CYP1A1: variants seen among roughly 807,000 people sequenced by gnomAD.
The protein encoded by CYP1A1 is cytochrome P450 family 1 subfamily A member 1.
A neutral mutation model predicts 33.6 loss-of-function variants in CYP1A1; 43 were observed. The observed-to-expected ratio is 1.28, with a 90% CI of 1.00 to 1.65. CYP1A1 has a LOEUF of 1.65. Among genes scored for constraint, CYP1A1 ranks in the 40% most tolerant of loss-of-function variants. CYP1A1 has a pLI of 0.00. For synonymous variants in CYP1A1, 280 were observed against 257.8 expected (o/e 1.09, Z -0.83); for missense variants, 637 against 653.7 (o/e 0.97, Z 0.28).
chr15:74,724,110 T>C (rs1478542614), intron 1 of CYP1A1, among the ~76,000 whole-genome samples: 1 of 152,162 alleles, frequency 6.6e-6, no homozygotes, highest in Non-Finnish European at 1.5e-5. Flanking sequence ...GCCAGGGTTT[T>C]TTTTTGGCTC....
In CYP1A1 at chr15:74,720,498, C is replaced by A. The variant is rs578153711; in HGVS notation, c.1530G>T (p.Leu510=). The A allele has an allele frequency of 2.6e-6, 4 of 1,568,180 alleles. No individual in the cohort carries two copies. In the African/African-American group the frequency reaches 4.0e-5, roughly 16 times the overall value. The change falls in exon 7 of 7, where the codon CTG becomes CTT. Residue 510 remains leucine, a synonymous_variant. Transcript: ENST00000379727. ...HACCEHFQMQ[L]RS The stretch of plus-strand genomic sequence containing the variant: ...CAGGGCTCTCAAGCACCTAAGAGCG[C>A]AGCTGCATTTGGAAGTGCTCACAGC...
chr15:74,720,708 G>T lies in CYP1A1; in HGVS notation c.1320C>A (p.Asp440Glu). Residue 440 changes from aspartate (D) to glutamate (E), a missense_variant, in exon 7 of 7, where the codon GAC becomes GAA. Asp to Glu is a conservative substitution (Grantham distance 45). Transcript: ENST00000379727. ...ERFLTPDGAIDKVLSEKVIIF... is the reference protein window; with the variant it reads ...ERFLTPDGAIEKVLSEKVIIF... The stretch of plus-strand genomic sequence containing the variant: ...TAATCACCTTCTCACTTAACACCTT[G>T]TCGATAGCACCATCAGGGGTGAGAA... The T allele has an allele frequency of 6.2e-7, 1 of 1,614,148 alleles. No homozygotes were observed. Among genetic ancestry groups the T allele is most frequent in the Non-Finnish European group, 8.5e-7 (1 of 1,180,024 alleles).
At position 74,721,022 on chromosome 15, in the gene CYP1A1, A is replaced by G. The variant is rs1008131147; in HGVS notation, c.1198T>C (p.Tyr400His). The change falls in exon 6 of 7, where the codon TAC becomes CAC. Residue 400 changes from tyrosine (Y) to histidine (H), a missense_variant. Transcript: ENST00000379727. ...AAGACACAACGCCCCTTGGGGATGT[A>G]AAAGCCTTTCAAACTTGTGTCTCTT... is the stretch of plus-strand genomic sequence containing the variant. The part of the protein sequence containing the change: ...TTRDTSLKGF[Y>H]IPKGRCVFVN... 98 of 1,614,074 alleles carry G rather than the reference A, an allele frequency of 6.1e-5. No individual in the cohort carries two copies. Among genetic ancestry groups the G allele is most frequent in the Non-Finnish European group, 7.8e-5 (92 of 1,180,022 alleles).
rs1283562508 is a variant in CYP1A1, at chr15:74,719,618, T to C, written c.*871A>G. ...TTTTTGGATACCTGGGTTAGAATTT[T>C]CCCTATTACATTAAATCAATGGTTC... On this transcript the variant is annotated 3_prime_UTR_variant, in exon 7 of 7. Transcript: ENST00000379727. 1 of 151,628 alleles carries C rather than the reference T, an allele frequency of 6.6e-6. No homozygotes were observed. Among genetic ancestry groups the C allele is most frequent in the Non-Finnish European group, 1.5e-5 (1 of 68,034 alleles). 9.4% of individuals were successfully genotyped at this position (151,628 alleles called of 1,614,324 possible).
Position 74,722,758 on chromosome 15 carries a change from G to C in CYP1A1, c.340C>G (p.Leu114Val). Residue 114 changes from leucine (L) to valine (V), a missense_variant, in exon 2 of 7, where the codon CTC becomes GTC. Coordinates refer to ENST00000379727, the MANE Select transcript of CYP1A1 (RefSeq NM_001319217.2). Reference sequence around the variant, plus strand: ...GACATGCTCTGACCATTACTGATGAGGGTGAAGGTGTAGAGGTCGGGCCGG... The same window carrying C: ...GACATGCTCTGACCATTACTGATGACGGTGAAGGTGTAGAGGTCGGGCCGG... ...KGRPDLYTFTLISNGQSMSFS... is the reference protein window; with the variant it reads ...KGRPDLYTFTVISNGQSMSFS... 6.2e-7 allele frequency: 1 copy of C among 1,613,698 alleles called. No individual in the cohort carries two copies. Among genetic ancestry groups the C allele is most frequent in the Non-Finnish European group, 8.5e-7 (1 of 1,180,022 alleles).
chr15:74,721,819 G>A, intron 2 of CYP1A1, 102 bp from the exon 3 acceptor site: 1 of 1,461,358 alleles, frequency 6.8e-7, no homozygotes, highest in East Asian at 2.3e-5. Context: ...TGTTCTGGAG[G>A]TGATGCCCCC....
Position 74,722,733 on chromosome 15 carries a change from G to A in CYP1A1, c.365C>T (p.Ser122Phe). Reference sequence around the variant, plus strand: ...CACTGGTCCAGAGTCTGGGCTGAAGGACATGCTCTGACCATTACTGATGAG... The same window carrying A: ...CACTGGTCCAGAGTCTGGGCTGAAGAACATGCTCTGACCATTACTGATGAG... ...FTLISNGQSM[S>F]FSPDSGPVWA... The change falls in exon 2 of 7, where the codon TCC becomes TTC. Residue 122 changes from serine to phenylalanine, a missense_variant. Coordinates refer to ENST00000379727, the MANE Select transcript of CYP1A1 (RefSeq NM_001319217.2). 6.2e-7 allele frequency: 1 copy of A among 1,613,492 alleles called. No homozygotes were observed. Among genetic ancestry groups the A allele is most frequent in the South Asian group, 1.1e-5 (1 of 91,082 alleles).
At chr15:74,723,287 G>A (rs2063189291) in intron 1 of CYP1A1, among the ~76,000 whole-genome samples, 161 bp from the exon 2 acceptor site, 1 of 152,148 alleles carries the variant, frequency 6.6e-6, no homozygotes, top group Admixed American at 6.5e-5. Context: ...AACTACCACT[G>A]TGGGCTAAGA....
chr15:74,725,359 C>A (rs964857203), intron 1 of CYP1A1, 82 bp downstream of exon 1: 2 of 152,314 alleles, frequency 1.3e-5, no homozygotes, highest in Middle Eastern at 3.4e-3. Flanking sequence ...AGACAGGTAG[C>A]TACCTAAGAA....
chr15:74,722,035 C>A (rs777655004), intron 2 of CYP1A1: 4 of 594,300 alleles, frequency 6.7e-6, no homozygotes, highest in Non-Finnish European at 1.2e-5. Flanking sequence ...GCCCCAGGGT[C>A]CTGCATGTAA....
At position 74,722,921 on chromosome 15, in the gene CYP1A1, C is replaced by T. The variant is rs578251068; in HGVS notation, c.177G>A (p.Pro59=). ...IGHMLTLGKN[P]HLALSRMSQQ... is the part of the protein sequence containing the mutation. Reference sequence around the variant, plus strand: ...GGCTCATCCTTGACAGTGCCAGGTGCGGGTTCTTTCCCAGGGTCAGCATGT... The same window carrying T: ...GGCTCATCCTTGACAGTGCCAGGTGTGGGTTCTTTCCCAGGGTCAGCATGT... Residue 59 remains proline (P), a synonymous_variant, in exon 2 of 7, where the codon CCG becomes CCA. Transcript: ENST00000379727. 5.1e-5 allele frequency: 83 copies of T among 1,613,994 alleles called. No individual in the cohort carries two copies. Among genetic ancestry groups the T allele is most frequent in the Middle Eastern group, 1.6e-4 (1 of 6,084 alleles).
At position 74,723,084 on chromosome 15, in the gene CYP1A1, A is replaced by T. The variant is rs560039501; in HGVS notation, c.14T>A (p.Ile5Asn). 6.3e-7 allele frequency: 1 copy of T among 1,588,662 alleles called. No homozygotes were observed. The highest frequency in any genetic ancestry group is 1.1e-5 in the South Asian group (1 of 87,826). The change falls in exon 2 of 7, where the codon ATC (isoleucine) becomes AAC (asparagine). Residue 5 changes from isoleucine to asparagine, a missense_variant. Physicochemically the swap from Ile to Asn is moderately radical, Grantham distance 149 (BLOSUM62 -3). Coordinates refer to ENST00000379727, the MANE Select transcript of CYP1A1 (RefSeq NM_001319217.2). ...AAGAAACTCCGTGGCCGACATGGAG[A>T]TTGGGAAAAGCATGATCAGTGTAGG... Reference protein sequence around the residue: MLFPISMSATEFLLA... With the variant: MLFPNSMSATEFLLA...
Position 74,721,213 on chromosome 15 carries a change from G to A in CYP1A1, c.1152C>T (p.Phe384=). The A allele has an allele frequency of 6.2e-7, 1 of 1,612,818 alleles. No homozygotes were observed. Among genetic ancestry groups the A allele is most frequent in the South Asian group, 1.1e-5 (1 of 90,850 alleles). The change falls in exon 5 of 7, where the codon TTC becomes TTT. Residue 384 remains phenylalanine, a synonymous_variant. Coordinates refer to ENST00000379727, the MANE Select transcript of CYP1A1 (RefSeq NM_001319217.2). ...TGGGGCCTTACCTGTGGGGGATGGT[G>A]AAGGGGACGAAGGAAGAGTGTCGGA... ...ETFRHSSFVP[F]TIPHSTTRDT... is the part of the protein sequence containing the mutation.
Position 74,722,498 on chromosome 15 carries a change from G to A in CYP1A1, c.600C>T (p.Ala200=). ...VVVSVTNVIC[A]ICFGRRYDHN... ...GGTCATAGCGCCGGCCAAAGCAAAT[G>A]GCACAGATGACATTGGTCACTGATA... Residue 200 remains alanine, a synonymous_variant, in exon 2 of 7, where the codon GCC becomes GCT. Coordinates refer to ENST00000379727, the MANE Select transcript of CYP1A1 (RefSeq NM_001319217.2). The A allele has an allele frequency of 6.2e-7, 1 of 1,614,072 alleles. No individual in the cohort carries two copies. The highest frequency in any genetic ancestry group is 1.1e-5 in the South Asian group (1 of 91,068).
At position 74,722,322 on chromosome 15, in the gene CYP1A1, T is replaced by C. The variant is rs1249069839; in HGVS notation, c.776A>G (p.Tyr259Cys). Reference sequence around the variant, plus strand: ...CTTGACCATCTTCTGCATGAAGCTGTAGAACTTCTCATTCAGGTCCTTGAA... The same window carrying C: ...CTTGACCATCTTCTGCATGAAGCTGCAGAACTTCTCATTCAGGTCCTTGAA... ...NAFKDLNEKF[Y>C]SFMQKMVKEH... Residue 259 changes from tyrosine (Y) to cysteine (C), a missense_variant, in exon 2 of 7, where the codon TAC becomes TGC. Coordinates refer to ENST00000379727, the MANE Select transcript of CYP1A1 (RefSeq NM_001319217.2). 2 of 1,614,120 alleles carry C rather than the reference T, an allele frequency of 1.2e-6. No homozygotes were observed. Among genetic ancestry groups the C allele is most frequent in the South Asian group, 1.1e-5 (1 of 91,074 alleles).
At chr15:74,720,899 A>T in intron 6 of CYP1A1, 68 bp downstream of exon 6, 1 of 1,573,790 alleles carries the variant, frequency 6.4e-7, no homozygotes, top group Non-Finnish European at 8.7e-7. Context: ...CAATGCAATG[A>T]TTGTATTAAT....
chr15:74,722,146 T>C, intron 2 of CYP1A1, 127 bp downstream of exon 2: 1 of 740,762 alleles, frequency 1.3e-6, no homozygotes, highest in South Asian at 1.8e-5. Flanking sequence ...CACAACTGGC[T>C]TCAAGATCCC....
At position 74,721,454 on chromosome 15, in the gene CYP1A1, C is replaced by G; in HGVS notation, c.1002G>C (p.Val334=). The part of the protein sequence containing the change: ...TAISWSLMYL[V]MNPRVQRKIQ... ...TCTTTCTCTGTACCCTGGGGTTCAT[C>G]ACCAAATACATGAGGCTCCAGGAGA... The change falls in exon 4 of 7, where the codon GTG becomes GTC. Residue 334 remains valine (V), a synonymous_variant. Transcript: ENST00000379727. 1 of 1,614,164 alleles carries G rather than the reference C, an allele frequency of 6.2e-7. No individual in the cohort carries two copies. Among genetic ancestry groups the G allele is most frequent in the South Asian group, 1.1e-5 (1 of 91,076 alleles).
intron 1 of CYP1A1, among the ~76,000 whole-genome samples, chr15:74,723,571 A>G: frequency 6.6e-6 from 1 of 152,220 alleles, no homozygotes; most frequent in Non-Finnish European, 1.5e-5. Flanking sequence ...ATCTACCTAC[A>G]TATCATCATA....
Sources: allele counts gnomAD v4.1 joint callset (sites outside exome capture counted in the v4.1 genomes callset), GRCh38; gene constraint gnomAD v4.1.1; transcripts MANE v1.5; gene names NCBI Gene and HGNC (gene_info 2026-07-23, HGNC 2026-07-21).